Variants in PIP5K1A observed in about 807,000 individuals in gnomAD.
PIP5K1A encodes the protein phosphatidylinositol 4-phosphate 5-kinase type-1 alpha.
Under a neutral mutation model 72.9 loss-of-function variants are expected in PIP5K1A, and 46 were observed. The observed-to-expected ratio is 0.63, with a 90% CI of 0.50 to 0.81. The LOEUF is 0.81. PIP5K1A is among the 30% of genes least tolerant of loss of function. The pLI is 0.00. For missense variants in PIP5K1A, 458 were observed against 706.1 expected (o/e 0.65, Z 3.98); for synonymous variants, 228 against 255.1 (o/e 0.89, Z 1.01).
chr1:151,214,598 C>G (rs1159936353), intron 1 of PIP5K1A, among the ~76,000 whole-genome samples: 1 of 152,130 alleles, frequency 6.6e-6, no homozygotes. Flanking sequence ...TCAGGCTGGT[C>G]TCGAACTCCT....
rs1684780002 is a variant in PIP5K1A, at chr1:151,198,764, A to G, written c.-233A>G. ...AAAGTATCCCCTGTGGAAAGCGGTT[A>G]AACTTGTGGAGGGGGTGCGGGACGT... On this transcript the variant is annotated 5_prime_UTR_variant, in exon 1 of 16. Coordinates refer to ENST00000368888, the MANE Select transcript of PIP5K1A (RefSeq NM_001135638.2). 1.8e-5 allele frequency: 11 copies of G among 608,930 alleles called. No individual in the cohort carries two copies. Among genetic ancestry groups the G allele is most frequent in the Non-Finnish European group, 2.6e-5 (9 of 340,740 alleles). The allele number at this position is 608,930 out of a possible 1,614,324, so 37.7% of individuals were successfully genotyped here.
intron 1 of PIP5K1A, among the ~76,000 whole-genome samples, chr1:151,218,474 T>A (rs1687940347): frequency 6.6e-6 from 1 of 152,158 alleles, no homozygotes; most frequent in Non-Finnish European, 1.5e-5. Flanking sequence ...TTATTTAGTT[T>A]GTTAGAGCAT....
chr1:151,195,816 T>C (rs1034481995), upstream of PIP5K1A, among the ~76,000 whole-genome samples: 1 of 150,796 alleles, frequency 6.6e-6, no homozygotes, highest in Non-Finnish European at 1.5e-5. Flanking sequence ...ACTGCGTTGG[T>C]CATTCTGGGA....
chr1:151,237,747 A>G (rs1305930560), intron 9 of PIP5K1A, among the ~76,000 whole-genome samples: 1 of 152,212 alleles, frequency 6.6e-6, no homozygotes, highest in African/African-American at 2.4e-5. Context: ...AAGTGTCACA[A>G]ATATCTTAGA....
chr1:151,210,874 A>G (rs1203881890), intron 1 of PIP5K1A, among the ~76,000 whole-genome samples: 2 of 152,174 alleles, frequency 1.3e-5, no homozygotes, highest in East Asian at 1.9e-4. Flanking sequence ...GTCATGAGCC[A>G]TTGTGCCCGG....
chr1:151,245,525 G>A (rs1033256131), intron 14 of PIP5K1A, among the ~76,000 whole-genome samples: 1 of 152,084 alleles, frequency 6.6e-6, no homozygotes, highest in Non-Finnish European at 1.5e-5. Flanking sequence ...GGAGTACAGT[G>A]GCACGATCTT....
Position 151,198,910 on chromosome 1 carries a change from A to G in PIP5K1A, c.-87A>G. ...TGGCCCACAGAACGCGGGTTCTGTA[A>G]AGAGACGTTGGGAAGATTCGATTCC... On this transcript the variant is annotated 5_prime_UTR_variant, in exon 1 of 16. Transcript: ENST00000368888. 7.5e-7 allele frequency: 1 copy of G among 1,335,470 alleles called. No individual in the cohort carries two copies. Among genetic ancestry groups the G allele is most frequent in the South Asian group, 1.2e-5 (1 of 83,870 alleles). 82.7% of individuals were successfully genotyped at this position (1,335,470 alleles called of 1,614,324 possible).
At position 151,247,956 on chromosome 1, in the gene PIP5K1A, CT is replaced by C; in HGVS notation, c.*92del. ...TGCCCCAGCAATGCTGAATTTTCTTCTACTTGGTCATCAAAAAAGGAGTGTA... is the reference window on the plus strand; with the variant it reads ...TGCCCCAGCAATGCTGAATTTTCTTCACTTGGTCATCAAAAAAGGAGTGTA... On this transcript the variant is annotated 3_prime_UTR_variant, in exon 16 of 16. Coordinates refer to ENST00000368888, the MANE Select transcript of PIP5K1A (RefSeq NM_001135638.2). The C allele has an allele frequency of 8.7e-7, 1 of 1,145,604 alleles. No homozygotes were observed. The highest frequency in any genetic ancestry group is 1.3e-6 in the Non-Finnish European group (1 of 754,800). The allele number at this position is 1,145,604 out of a possible 1,614,324, so 71.0% of individuals were successfully genotyped here.
chr1:151,229,545 G>A (rs587719626), intron 4 of PIP5K1A, among the ~76,000 whole-genome samples: 2 of 151,436 alleles, frequency 1.3e-5, no homozygotes, highest in Admixed American at 6.6e-5. Context: ...ATTTTTAGTA[G>A]AGATAGGGTT....
chr1:151,199,059 C>G lies in PIP5K1A; in HGVS notation c.63C>G (p.Val21=). 2.5e-6 allele frequency: 4 copies of G among 1,614,142 alleles called. No homozygotes were observed. In the South Asian group the frequency reaches 4.4e-5, roughly 18 times the overall value. ...SVGFSSFDPA[V]PSCTLSSAAS... Reference sequence around the variant, plus strand: ...GTTTTTCATCCTTTGATCCCGCGGTCCCTTCCTGTACCTTGTCCTCAGGTA... The same window carrying G: ...GTTTTTCATCCTTTGATCCCGCGGTGCCTTCCTGTACCTTGTCCTCAGGTA... Residue 21 remains valine (V), a synonymous_variant, in exon 1 of 16, where the codon GTC becomes GTG. Coordinates refer to ENST00000368888, the MANE Select transcript of PIP5K1A (RefSeq NM_001135638.2).
chr1:151,237,816 G>A lies in PIP5K1A; in HGVS notation c.1146-366G>A, dbSNP rs75360998. On this transcript the variant is annotated intron_variant, in intron 9 of 15. Transcript: ENST00000368888. ...ACTCTCAAGAAGAGTGTCTTAGTGGGCATAAATTAAGATAGCAAAAGTACT... is the reference window on the plus strand; with the variant it reads ...ACTCTCAAGAAGAGTGTCTTAGTGGACATAAATTAAGATAGCAAAAGTACT... 9.8e-3 allele frequency among the ~76,000 whole-genome samples: 1,492 copies of A among 152,134 alleles called. 10 individuals are homozygous for A. The highest frequency in any genetic ancestry group is 0.016 in the Non-Finnish European group (1,062 of 67,998).
chr1:151,200,104 G>C (rs1685010535), intron 1 of PIP5K1A, among the ~76,000 whole-genome samples: 1 of 151,924 alleles, frequency 6.6e-6, no homozygotes, highest in Non-Finnish European at 1.5e-5. Flanking sequence ...AAACAGATGG[G>C]AAAGATGGAA....
intron 1 of PIP5K1A, among the ~76,000 whole-genome samples, chr1:151,201,081 G>A (rs771562399): frequency 2.0e-5 from 3 of 152,252 alleles, no homozygotes; most frequent in South Asian, 4.1e-4. Context: ...TGATCCGCCC[G>A]CCTTGGCTTC....
At chr1:151,236,854 T>G (rs1279180693) in intron 9 of PIP5K1A, 91 bp downstream of exon 9, 2 of 852,398 alleles carry the variant, frequency 2.3e-6, no homozygotes, top group African/African-American at 3.5e-5. Context: ...AGTTTCACTC[T>G]TGTTGCCCAG....
upstream of PIP5K1A, among the ~76,000 whole-genome samples, chr1:151,195,976 G>T (rs1352620832): frequency 7.9e-6 from 1 of 125,808 alleles, no homozygotes; most frequent in African/African-American, 3.0e-5. Context: ...CTCAGTGCAA[G>T]CTCCGCCTCC....
At chr1:151,227,835 CA>C (rs1403418124) in intron 4 of PIP5K1A, among the ~76,000 whole-genome samples, 1 of 152,036 alleles carries the variant, frequency 6.6e-6, no homozygotes, top group East Asian at 1.9e-4. Flanking sequence ...GCAGTGAGGT[CA>C]AATTGTGCCA....
In PIP5K1A at chr1:151,241,800, CAAA is replaced by C. The variant is rs201895156; in HGVS notation, c.1364-308_1364-306del. ...GGGCAACAAGAGCGAAACTCCATCT[CAAA>C]AAAAAAAAAAAAAAGGAATTATGCA... On this transcript the variant is annotated intron_variant, in intron 12 of 15. Transcript: ENST00000368888. Among the ~76,000 whole-genome samples, 456 of 60,178 alleles carry C rather than the reference CAAA, an allele frequency of 7.6e-3. 3 individuals carry two copies. Among genetic ancestry groups the C allele is most frequent in the African/African-American group, 0.025 (431 of 16,968 alleles). 39.5% of individuals were successfully genotyped at this position (60,178 alleles called of 152,430 possible).
chr1:151,211,512 G>T (rs1244113389), intron 1 of PIP5K1A, among the ~76,000 whole-genome samples: 1 of 151,646 alleles, frequency 6.6e-6, no homozygotes. Context: ...AAGATATTTT[G>T]TTGGCCAGGC....
At chr1:151,216,941 C>T (rs61817977) in intron 1 of PIP5K1A, among the ~76,000 whole-genome samples, 100,901 of 145,408 alleles carry the variant, frequency 0.69, 34,205 homozygotes, top group Middle Eastern at 0.74. Context: ...GAGACGGAGT[C>T]TCGCTCTGTC....
Sources: gnomAD v4.1 joint callset for allele counts (sites outside exome capture counted in the v4.1 genomes callset) on GRCh38, gnomAD v4.1.1 for gene constraint, MANE v1.5 for transcripts, NCBI Gene and HGNC (gene_info 2026-07-23, HGNC 2026-07-21) for gene names.